The following RFWD3 variants were observed in gnomAD, a reference collection of about 807,000 sequenced individuals.
RFWD3 encodes E3 ubiquitin-protein ligase RFWD3.
RFWD3 carries 65 observed loss-of-function variants against 87.7 expected under a neutral mutation model. The ratio of observed to expected loss-of-function variants is 0.74; its 90% CI spans 0.61 to 0.91. RFWD3 has a LOEUF of 0.91. Among genes scored for constraint, RFWD3 ranks in the 40% least tolerant of loss-of-function variants. The pLI, the probability that RFWD3 is intolerant of heterozygous loss-of-function variation, is 0.00. For synonymous variants in RFWD3, 433 were observed against 352.8 expected (o/e 1.23, Z -2.55); for missense variants, 1,078 against 938.5 (o/e 1.15, Z -1.94).
chr16:74,660,098 G>A (rs1961304096), intron 2 of RFWD3, among the ~76,000 whole-genome samples: 1 of 152,052 alleles, frequency 6.6e-6, no homozygotes, highest in Non-Finnish European at 1.5e-5. Flanking sequence ...AAAACAAAGG[G>A]ATTTCGTCGA....
At chr16:74,630,374 A>G (rs1959056233) in intron 10 of RFWD3, among the ~76,000 whole-genome samples, 1 of 152,266 alleles carries the variant, frequency 6.6e-6, no homozygotes, top group African/African-American at 2.4e-5. Flanking sequence ...CTGGGATTAC[A>G]GGCGTAAGCC....
intron 1 of RFWD3, among the ~76,000 whole-genome samples, chr16:74,663,683 T>A (rs1380295551): frequency 6.6e-6 from 1 of 152,108 alleles, no homozygotes; most frequent in African/African-American, 2.4e-5. Flanking sequence ...ACGACACAAA[T>A]GCAAACAGGG....
intron 8 of RFWD3, among the ~76,000 whole-genome samples, chr16:74,633,364 A>C (rs1470023241): frequency 3.9e-5 from 6 of 151,946 alleles, no homozygotes; most frequent in Non-Finnish European, 8.8e-5. Context: ...AAAAAGAAAA[A>C]GTATAACCTA....
intron 2 of RFWD3, among the ~76,000 whole-genome samples, chr16:74,653,490 CA>C (rs199536829): frequency 0.14 from 18,735 of 137,448 alleles, 1,380 homozygotes; most frequent in Admixed American, 0.25. Context: ...ACTCCATCTT[CA>C]AAAAAAAAAA....
At chr16:74,626,205 T>C (rs574444181) in intron 12 of RFWD3, 138 bp downstream of exon 12, 24 of 725,088 alleles carry the variant, frequency 3.3e-5, no homozygotes, top group Admixed American at 2.3e-5. Context: ...TACACACATA[T>C]GCGGATATGT....
At chr16:74,661,582 GAA>G (rs2144360615) in intron 1 of RFWD3, 131 bp from the exon 2 acceptor site, 1 of 881,138 alleles carries the variant, frequency 1.1e-6, no homozygotes, top group Non-Finnish European at 1.7e-6. Flanking sequence ...AGCTTCAAGA[GAA>G]GATTTTAACT....
At chr16:74,624,859 G>C (rs966113476) in intron 12 of RFWD3, among the ~76,000 whole-genome samples, 1 of 152,074 alleles carries the variant, frequency 6.6e-6, no homozygotes, top group Non-Finnish European at 1.5e-5. Flanking sequence ...AGGTGTAGTG[G>C]TGCATGCCCG....
chr16:74,654,101 C>G (rs1960782868), intron 2 of RFWD3, among the ~76,000 whole-genome samples: 2 of 152,004 alleles, frequency 1.3e-5, no homozygotes. Context: ...ACATTTTTGT[C>G]ACACCTAAAA....
rs1401225393 is a variant in RFWD3, at chr16:74,637,348, C to T, written c.1194+508G>A. On this transcript the variant is annotated intron_variant, in intron 7 of 12. Transcript: ENST00000361070. ...TTTTTCTAAAATTCAGATTGTAAGG[C>T]CAGGTGCAGTGCTCACGCCTGTAAT... Among the ~76,000 whole-genome samples the T allele has an allele frequency of 2.6e-5, 4 of 152,078 alleles. No homozygotes were observed. The East Asian group carries it at 7.7e-4, about 29-fold the overall frequency.
In RFWD3 at chr16:74,656,379, CTTTT is replaced by C. The variant is rs1478518697; in HGVS notation, c.519-4261_519-4258del. ...TGTGACTCTTAGCTGTGGGGAAAAG[CTTTT>C]TTTATTTTATTTTTTTTAATTTCTT... On this transcript the variant is annotated intron_variant, in intron 2 of 12. Transcript: ENST00000361070. Among the ~76,000 whole-genome samples the C allele has an allele frequency of 2.7e-5, 4 of 148,182 alleles. No individual in the cohort carries two copies. The East Asian group carries it at 7.9e-4, about 29-fold the overall frequency.
intron 12 of RFWD3, among the ~76,000 whole-genome samples, chr16:74,624,891 C>T (rs946475942): frequency 2.0e-5 from 3 of 152,090 alleles, no homozygotes; most frequent in African/African-American, 7.2e-5. Context: ...ACTCAAGAGG[C>T]TGAAGGAGGA....
chr16:74,632,325 G>A (rs1959124522), intron 9 of RFWD3, among the ~76,000 whole-genome samples, 198 bp downstream of exon 9: 1 of 152,068 alleles, frequency 6.6e-6, no homozygotes, highest in Admixed American at 6.6e-5. Flanking sequence ...CCGGAAGGTG[G>A]AGCTTGCAGT....
rs1361790469 is a variant in RFWD3, at chr16:74,630,935, G to A, written c.1600C>T (p.Gln534Ter). 6.2e-7 allele frequency: 1 copy of A among 1,611,060 alleles called. No individual in the cohort carries two copies. The highest frequency in any genetic ancestry group is 8.5e-7 in the Non-Finnish European group (1 of 1,179,234). ...LTSLETNTVV[Q>*]TYNAGRPVWS... ...ACAGGACGTCCAGCATTATAAGTCT[G>A]GACCACGGTATTTGTCTCCAGGCTG... Residue 534 changes from glutamine to a stop codon, truncating the protein, a stop_gained, in exon 10 of 13, where the codon CAG becomes TAG. Coordinates refer to ENST00000361070, the MANE Select transcript of RFWD3 (RefSeq NM_018124.4). LOFTEE classifies it high-confidence loss of function.
At chr16:74,628,124 A>G (rs1429810561) in intron 11 of RFWD3, among the ~76,000 whole-genome samples, 1 of 152,200 alleles carries the variant, frequency 6.6e-6, no homozygotes, top group Non-Finnish European at 1.5e-5. Context: ...GGCAGAAGAT[A>G]CGAAAGTGAT....
intron 4 of RFWD3, among the ~76,000 whole-genome samples, chr16:74,647,158 T>A (rs1255752451): frequency 6.6e-6 from 1 of 151,520 alleles, no homozygotes; most frequent in East Asian, 1.9e-4. Flanking sequence ...CTGGGAAAAA[T>A]GAGCCAGACT....
intron 9 of RFWD3, among the ~76,000 whole-genome samples, 172 bp from the exon 10 acceptor site, chr16:74,631,129 T>C (rs572933913): frequency 6.6e-6 from 1 of 152,322 alleles, no homozygotes; most frequent in Admixed American, 6.5e-5. Flanking sequence ...CTCCTTTAAA[T>C]TCCATAACAT....
At chr16:74,653,899 T>C (rs1438428347) in intron 2 of RFWD3, among the ~76,000 whole-genome samples, 1 of 152,226 alleles carries the variant, frequency 6.6e-6, no homozygotes, top group Non-Finnish European at 1.5e-5. Flanking sequence ...AGAAGATTTT[T>C]TGACCTCTTA....
At chr16:74,626,625 C>G in intron 11 of RFWD3, 71 bp from the exon 12 acceptor site, 4 of 1,197,502 alleles carry the variant, frequency 3.3e-6, no homozygotes, top group Non-Finnish European at 4.9e-6. Flanking sequence ...ACCCAAACCT[C>G]ACACGCTTAC....
chr16:74,624,216 T>TAG, intron 12 of RFWD3, 145 bp from the exon 13 acceptor site: 2 of 935,598 alleles, frequency 2.1e-6, no homozygotes, highest in African/African-American at 1.7e-5. Flanking sequence ...TTTGCAAGGT[T>TAG]GTTCAAAGTC....
Sources: allele counts gnomAD v4.1 joint callset (sites outside exome capture counted in the v4.1 genomes callset), GRCh38; gene constraint gnomAD v4.1.1; transcripts MANE v1.5; gene names NCBI Gene and HGNC (gene_info 2026-07-23, HGNC 2026-07-21).